NRXN1: variants seen among roughly 807,000 people sequenced by gnomAD.
NRXN1 encodes the protein neurexin-1.
Under a neutral mutation model 150.9 loss-of-function variants are expected in NRXN1, and 39 were observed. The ratio of observed to expected loss-of-function variants is 0.26; its 90% confidence interval spans 0.20 to 0.34. The LOEUF is 0.34. Among genes scored for constraint, NRXN1 ranks in the 10% least tolerant of loss-of-function variants. NRXN1 has a pLI of 1.00. For synonymous variants in NRXN1, 924 were observed against 757.0 expected (o/e 1.22, Z -3.62); for missense variants, 1,815 against 1,949.9 (o/e 0.93, Z 1.30).
intron 21 of NRXN1, among the ~76,000 whole-genome samples, chr2:50,028,241 T>G (rs1460324708): frequency 2.0e-5 from 3 of 152,214 alleles, no homozygotes; most frequent in Non-Finnish European, 2.9e-5. Context: ...GTGGATATAC[T>G]GAGGGAGCTT....
chr2:50,555,460 GT>G (rs1281536555), intron 8 of NRXN1, among the ~76,000 whole-genome samples: 1 of 152,064 alleles, frequency 6.6e-6, no homozygotes, highest in Non-Finnish European at 1.5e-5. Flanking sequence ...AAAAATAGAA[GT>G]AGGGATAATT....
intron 2 of NRXN1, among the ~76,000 whole-genome samples, chr2:50,964,976 T>A (rs996198075): frequency 2.0e-5 from 3 of 151,376 alleles, no homozygotes; most frequent in African/African-American, 4.8e-5. Context: ...AATAAACATA[T>A]AATTTCCAGT....
At chr2:50,280,970 G>A (rs951983766) in intron 17 of NRXN1, among the ~76,000 whole-genome samples, 10 of 151,978 alleles carry the variant, frequency 6.6e-5, no homozygotes, top group South Asian at 2.1e-4. Flanking sequence ...CATGTTAAAT[G>A]GAGGCCAAGG....
chr2:51,023,267 T>C (rs1307690502), intron 2 of NRXN1, among the ~76,000 whole-genome samples: 2 of 152,060 alleles, frequency 1.3e-5, no homozygotes, highest in East Asian at 3.9e-4. Context: ...CTCCCTACCA[T>C]CCACACTACA....
chr2:50,065,504 T>C (rs1451888295), intron 19 of NRXN1, among the ~76,000 whole-genome samples: 1 of 152,094 alleles, frequency 6.6e-6, no homozygotes, highest in African/African-American at 2.4e-5. Flanking sequence ...TGGGGTGAGA[T>C]CGCCCTTATG....
intron 5 of NRXN1, among the ~76,000 whole-genome samples, chr2:50,786,598 G>C (rs1705151029): frequency 6.6e-6 from 1 of 152,082 alleles, no homozygotes; most frequent in African/African-American, 2.4e-5. Context: ...CAGAGGAACT[G>C]GTAAGTAGAT....
In NRXN1 at chr2:50,103,336, T is replaced by A. The variant is rs541761530; in HGVS notation, c.3547-11842A>T. Reference sequence around the variant, plus strand: ...ATGTAGTAAAGAGTTATCCATAAAATTTCTGCCTTAAGATTTATGTCTGAA... The same window carrying A: ...ATGTAGTAAAGAGTTATCCATAAAAATTCTGCCTTAAGATTTATGTCTGAA... On this transcript the variant is annotated intron_variant, in intron 18 of 22. Transcript: ENST00000401669. Among the ~76,000 whole-genome samples, 98 of 152,154 alleles carry A rather than the reference T, an allele frequency of 6.4e-4. 2 individuals carry two copies. In the South Asian group the frequency reaches 0.02, roughly 31 times the overall value.
At chr2:49,977,056 CAGA>C (rs1398502480) in intron 21 of NRXN1, among the ~76,000 whole-genome samples, 1 of 152,106 alleles carries the variant, frequency 6.6e-6, no homozygotes, top group East Asian at 1.9e-4. Flanking sequence ...GTTTCCTCCC[CAGA>C]AGCAGCTTAT....
chr2:50,793,844 C>T (rs1257631000), intron 5 of NRXN1, among the ~76,000 whole-genome samples: 3 of 152,040 alleles, frequency 2.0e-5, no homozygotes, highest in Admixed American at 6.6e-5. Flanking sequence ...CAATGATTCT[C>T]ATGCATTTGT....
intron 18 of NRXN1, among the ~76,000 whole-genome samples, chr2:50,214,140 G>C (rs555320013): frequency 6.6e-6 from 1 of 151,834 alleles, no homozygotes; most frequent in African/African-American, 2.4e-5. Flanking sequence ...TCATAACTTT[G>C]ATTTTCAGCT....
chr2:50,780,069 G>A (rs908840605), intron 5 of NRXN1, among the ~76,000 whole-genome samples: 12 of 152,106 alleles, frequency 7.9e-5, no homozygotes, highest in East Asian at 5.8e-4. Context: ...TCTAACTGGC[G>A]TGAGATGGTA....
intron 17 of NRXN1, among the ~76,000 whole-genome samples, chr2:50,392,406 T>A (rs2081776496): frequency 6.6e-6 from 1 of 152,118 alleles, no homozygotes; most frequent in African/African-American, 2.4e-5. Context: ...TAGCCCTGAC[T>A]GTAAAACATT....
intron 22 of NRXN1, among the ~76,000 whole-genome samples, chr2:49,925,263 G>A (rs546766504): frequency 2.0e-3 from 293 of 146,208 alleles, no homozygotes; most frequent in African/African-American, 7.2e-3. Flanking sequence ...TGGCAACAGA[G>A]CGAGACACTG....
At chr2:50,522,794 C>A (rs1276652721) in intron 12 of NRXN1, among the ~76,000 whole-genome samples, 1 of 126,710 alleles carries the variant, frequency 7.9e-6, no homozygotes, top group African/African-American at 3.1e-5. Flanking sequence ...TGCAATGGCG[C>A]AACCTTGGCT....
At chr2:50,151,852 G>T (rs190639846) in intron 18 of NRXN1, among the ~76,000 whole-genome samples, 1 of 151,624 alleles carries the variant, frequency 6.6e-6, no homozygotes, top group Non-Finnish European at 1.5e-5. Context: ...CAATGCAGCT[G>T]TAAAATAGGC....
intron 18 of NRXN1, among the ~76,000 whole-genome samples, chr2:50,140,259 T>G (rs1036665025): frequency 4.9e-4 from 74 of 152,256 alleles, no homozygotes; most frequent in African/African-American, 1.7e-3. Context: ...ACCAATACAA[T>G]AGAGAGTATT....
chr2:50,755,297 C>A (rs1701040687), intron 5 of NRXN1, among the ~76,000 whole-genome samples: 1 of 151,828 alleles, frequency 6.6e-6, no homozygotes, highest in Admixed American at 6.6e-5. Context: ...TCAGAGTCTT[C>A]ATTTCCTTAT....
chr2:50,424,533 C>T (rs999502473), intron 17 of NRXN1, among the ~76,000 whole-genome samples: 5 of 152,066 alleles, frequency 3.3e-5, no homozygotes, highest in African/African-American at 1.2e-4. Flanking sequence ...GAATATGGGT[C>T]TACCTAACAC....
intron 17 of NRXN1, among the ~76,000 whole-genome samples, chr2:50,381,786 C>T (rs1428574191): frequency 6.6e-6 from 1 of 152,096 alleles, no homozygotes. Flanking sequence ...GTAGAACCAG[C>T]CTTCTTGGCC....
Sources: gnomAD v4.1 joint callset for allele counts (sites outside exome capture counted in the v4.1 genomes callset) on GRCh38, gnomAD v4.1.1 for gene constraint, MANE v1.5 for transcripts, NCBI Gene and HGNC (gene_info 2026-07-23, HGNC 2026-07-21) for gene names.